ZNF385B: variants seen among roughly 807,000 people sequenced by gnomAD.
ZNF385B encodes zinc finger protein 385B, also known as zinc finger protein 533.
Under a neutral mutation model 39.2 loss-of-function variants are expected in ZNF385B, and 23 were observed. The observed-to-expected ratio is 0.59, with a 90% CI of 0.42 to 0.83. ZNF385B has a LOEUF of 0.83. ZNF385B is among the 40% of genes least tolerant of loss of function. The pLI, the probability that ZNF385B is intolerant of heterozygous loss-of-function variation, is 0.00. For missense variants in ZNF385B, 552 were observed against 598.9 expected (o/e 0.92, Z 0.82); for synonymous variants, 205 against 222.6 (o/e 0.92, Z 0.70).
chr2:179,791,132 TCTC>T (rs1705302613), intron 1 of ZNF385B, among the ~76,000 whole-genome samples: 1 of 152,190 alleles, frequency 6.6e-6, no homozygotes, highest in Non-Finnish European at 1.5e-5. Flanking sequence ...TATACAAAAA[TCTC>T]CTTCCGTGAT....
chr2:179,469,083 T>C (rs1293605181), intron 6 of ZNF385B, among the ~76,000 whole-genome samples: 1 of 152,240 alleles, frequency 6.6e-6, no homozygotes, highest in African/African-American at 2.4e-5. Context: ...CTGTTGGCCA[T>C]AGGAAGTCTC....
At chr2:179,689,454 T>C (rs1041918571) in intron 3 of ZNF385B, among the ~76,000 whole-genome samples, 6 of 152,124 alleles carry the variant, frequency 3.9e-5, no homozygotes, top group Non-Finnish European at 7.4e-5. Context: ...GACAGAGCAC[T>C]AATGGCCCTC....
At chr2:179,746,161 T>C (rs980097877) in intron 3 of ZNF385B, 9 of 401,384 alleles carry the variant, frequency 2.2e-5, no homozygotes, top group Admixed American at 6.4e-5. Flanking sequence ...AAGGATGTGA[T>C]TATGAAAGTC....
At chr2:179,522,257 C>G (rs1044833955) in intron 4 of ZNF385B, among the ~76,000 whole-genome samples, 2 of 152,080 alleles carry the variant, frequency 1.3e-5, no homozygotes, top group Admixed American at 1.3e-4. Flanking sequence ...TGGTAAAATT[C>G]TCAATTTTTG....
intron 3 of ZNF385B, among the ~76,000 whole-genome samples, chr2:179,670,246 T>TGC (rs1341400524): frequency 7.0e-6 from 1 of 143,838 alleles, no homozygotes; most frequent in Non-Finnish European, 1.5e-5. Flanking sequence ...GGGCCGAGAT[T>TGC]GCGCCACTGC....
chr2:179,827,516 TATAA>T (rs1707744174), intron 1 of ZNF385B, among the ~76,000 whole-genome samples: 1 of 152,172 alleles, frequency 6.6e-6, no homozygotes. Flanking sequence ...TTTATGTAAA[TATAA>T]ATAATTATTT....
At chr2:179,691,113 C>T (rs1698321212) in intron 3 of ZNF385B, among the ~76,000 whole-genome samples, 1 of 152,086 alleles carries the variant, frequency 6.6e-6, no homozygotes, top group Middle Eastern at 3.2e-3. Flanking sequence ...AGAAATACAT[C>T]CCAAATCACA....
intron 3 of ZNF385B, among the ~76,000 whole-genome samples, chr2:179,573,250 G>T (rs75163358): frequency 0.027 from 4,054 of 152,202 alleles, 78 homozygotes; most frequent in African/African-American, 0.051. Context: ...TTTATTAATA[G>T]ATCTGAATTA....
intron 4 of ZNF385B, among the ~76,000 whole-genome samples, chr2:179,542,359 G>C (rs2059972063): frequency 6.6e-6 from 1 of 152,118 alleles, no homozygotes; most frequent in Non-Finnish European, 1.5e-5. Context: ...ATGTAATACA[G>C]GGAGAGTAAA....
intron 3 of ZNF385B, among the ~76,000 whole-genome samples, chr2:179,677,900 G>A (rs778915914): frequency 7.2e-5 from 11 of 152,232 alleles, no homozygotes; most frequent in African/African-American, 2.6e-4. Context: ...TTCTAGTAGA[G>A]TTCTCAGTAC....
intron 6 of ZNF385B, among the ~76,000 whole-genome samples, chr2:179,449,946 C>T (rs1210067184): frequency 5.9e-5 from 9 of 151,510 alleles, no homozygotes; most frequent in East Asian, 5.8e-4. Flanking sequence ...GAAATAATGC[C>T]GCATATCTAC....
intron 6 of ZNF385B, among the ~76,000 whole-genome samples, chr2:179,477,278 T>C (rs2053533666): frequency 3.3e-5 from 5 of 152,212 alleles, no homozygotes. Context: ...CACTTTCATA[T>C]GGCAACAGGG....
chr2:179,653,302 CA>C (rs1693386654), intron 3 of ZNF385B, among the ~76,000 whole-genome samples: 1 of 152,152 alleles, frequency 6.6e-6, no homozygotes, highest in Non-Finnish European at 1.5e-5. Flanking sequence ...TACTGCTGCA[CA>C]GAAGAAGAGA....
chr2:179,836,764 C>T (rs902972020), intron 1 of ZNF385B, among the ~76,000 whole-genome samples: 6 of 152,022 alleles, frequency 3.9e-5, no homozygotes, highest in Admixed American at 3.3e-4. Context: ...ATGATCCACC[C>T]GCCTCGGCCT....
intron 3 of ZNF385B, among the ~76,000 whole-genome samples, chr2:179,614,442 T>A (rs1689562780): frequency 1.3e-5 from 2 of 152,360 alleles, no homozygotes; most frequent in South Asian, 4.1e-4. Flanking sequence ...GTAGTCATAA[T>A]GAACATTTCT....
Position 179,531,674 on chromosome 2 carries a change from CT to C in ZNF385B, c.442-13037del, listed in dbSNP as rs1176299148. ...AAATAGAAATATATAAATAAATATC[CT>C]TTTTAACTGGGTATCCTATAGTTAG... On this transcript the variant is annotated intron_variant, in intron 4 of 9. Coordinates refer to ENST00000410066, the MANE Select transcript of ZNF385B (RefSeq NM_152520.6). Among the ~76,000 whole-genome samples, 4 of 152,088 alleles carry C rather than the reference CT, an allele frequency of 2.6e-5. No homozygotes were observed. In the East Asian group the frequency reaches 7.7e-4, roughly 29 times the overall value.
At position 179,532,763 on chromosome 2, in the gene ZNF385B, A is replaced by G. The variant is rs537621513; in HGVS notation, c.441+12064T>C. Among the ~76,000 whole-genome samples the G allele has an allele frequency of 5.3e-5, 8 of 152,324 alleles. No homozygotes were observed. In the South Asian group the frequency reaches 1.2e-3, roughly 24 times the overall value. On this transcript the variant is annotated intron_variant, in intron 4 of 9. Transcript: ENST00000410066. ...CCACTTTATTAAAAAGATTTTGTAT[A>G]ATTAGTCAAGAATCACCAAATTTCT...
intron 3 of ZNF385B, among the ~76,000 whole-genome samples, chr2:179,677,810 G>T (rs1451414104): frequency 6.6e-6 from 1 of 152,062 alleles, no homozygotes; most frequent in African/African-American, 2.4e-5. Flanking sequence ...ACTTCACAGG[G>T]TCCTTCTTCT....
intron 6 of ZNF385B, among the ~76,000 whole-genome samples, chr2:179,456,667 A>C (rs939277747): frequency 1.6e-4 from 25 of 152,184 alleles, no homozygotes; most frequent in Non-Finnish European, 3.1e-4. Context: ...TATTGCAGTC[A>C]TTATTTGAAA....
Sources: allele counts gnomAD v4.1 joint callset (sites outside exome capture counted in the v4.1 genomes callset), GRCh38; gene constraint gnomAD v4.1.1; transcripts MANE v1.5; gene names NCBI Gene and HGNC (gene_info 2026-07-23, HGNC 2026-07-21).